The following SCAI variants were observed in gnomAD, a reference collection of about 807,000 sequenced individuals.
SCAI encodes the protein protein SCAI.
SCAI carries 24 observed loss-of-function variants against 92.2 expected under a neutral mutation model. The ratio of observed to expected loss-of-function variants is 0.26; its 90% CI spans 0.19 to 0.37. SCAI has a LOEUF of 0.37. Ranked by LOEUF, SCAI falls within the 10% of genes least tolerant of loss-of-function variation. The pLI, the probability that SCAI is intolerant of heterozygous loss-of-function variation, is 1.00. For missense variants in SCAI, 450 were observed against 736.2 expected (o/e 0.61, Z 4.50); for synonymous variants, 261 against 258.6 (o/e 1.01, Z -0.09).
At chr9:125,089,596 G>A (rs1470998272) in intron 2 of SCAI, among the ~76,000 whole-genome samples, 1 of 152,130 alleles carries the variant, frequency 6.6e-6, no homozygotes, top group African/African-American at 2.4e-5. Flanking sequence ...TACAAAATCA[G>A]AATTTGCATT....
intron 2 of SCAI, among the ~76,000 whole-genome samples, chr9:125,082,040 T>C (rs1240794110): frequency 6.6e-6 from 1 of 151,998 alleles, no homozygotes; most frequent in African/African-American, 2.4e-5. Flanking sequence ...ATGGAAAAAA[T>C]GTCCAGGGAA....
In SCAI at chr9:125,128,604, T is replaced by A. The variant is rs185021023; in HGVS notation, c.98+14029A>T. Among the ~76,000 whole-genome samples the A allele has an allele frequency of 2.8e-3, 425 of 151,254 alleles. 3 individuals are homozygous for A. Among genetic ancestry groups the A allele is most frequent in the African/African-American group, 0.01 (412 of 41,154 alleles). ...CCGTCTCTACTAAAAATACAAAAAA[T>A]TAGCCGGGTGTGGTGGTGTGTGCCT... is the stretch of plus-strand genomic sequence containing the variant. On this transcript the variant is annotated intron_variant, in intron 2 of 17. Transcript: ENST00000336505.
At chr9:124,986,879 G>A (rs1304087596) in intron 14 of SCAI, among the ~76,000 whole-genome samples, 1 of 152,176 alleles carries the variant, frequency 6.6e-6, no homozygotes, top group Non-Finnish European at 1.5e-5. Context: ...AAATACTTTA[G>A]GATGAGGCTG....
In SCAI at chr9:124,952,724, C is replaced by T. The variant is rs1028739886; in HGVS notation, c.*83G>A. ...AAAAAATAAAAACTAAGTAACACCA[C>T]TATGTGTCTTATCACGTTAGAAAAC... On this transcript the variant is annotated 3_prime_UTR_variant, in exon 18 of 18. Coordinates refer to ENST00000336505, the MANE Select transcript of SCAI (RefSeq NM_001144877.3). The T allele has an allele frequency of 8.8e-5, 99 of 1,126,134 alleles. No homozygotes were observed. Among genetic ancestry groups the T allele is most frequent in the Middle Eastern group, 2.2e-4 (1 of 4,640 alleles). 69.8% of individuals were successfully genotyped at this position (1,126,134 alleles called of 1,614,324 possible). A position where few individuals can be genotyped will look rare whatever the true frequency, so the allele number is the denominator to read the frequency against.
chr9:125,108,022 C>T (rs1009334726), intron 2 of SCAI, among the ~76,000 whole-genome samples: 19 of 152,298 alleles, frequency 1.2e-4, no homozygotes, highest in Non-Finnish European at 2.6e-4. Flanking sequence ...TTGGTGGAGA[C>T]GGGGTTTCGC....
rs915274897 is a variant in SCAI, at chr9:125,009,853, A to G, written c.862-6283T>C. Among the ~76,000 whole-genome samples, 8 of 152,048 alleles carry G rather than the reference A, an allele frequency of 5.3e-5. No individual in the cohort carries two copies. In the East Asian group the frequency reaches 1.6e-3, roughly 30 times the overall value. ...GGTGGCAGTGAGTCAAGATCACACC[A>G]CTGTACTCCAGCCTGAGGGACAGAG... is the stretch of plus-strand genomic sequence containing the variant. On this transcript the variant is annotated intron_variant, in intron 9 of 17. Transcript: ENST00000336505.
rs1831385793 is a variant in SCAI at position 124,959,284 on chromosome 9, T to C, written c.1675-6331A>G. Among the ~76,000 whole-genome samples, 9 of 144,202 alleles carry C rather than the reference T, an allele frequency of 6.2e-5. No homozygotes were observed. The South Asian group carries it at 2.0e-3, about 31-fold the overall frequency. The allele number at this position is 144,202 out of a possible 152,430, so 94.6% of individuals were successfully genotyped here. A position where few individuals can be genotyped will look rare whatever the true frequency, so the allele number is the denominator to read the frequency against. ...ATAATAAAATTTAAAAAAAAAAGCATTTCAAATGAAAAAAAAAAAAGAATT... is the reference window on the plus strand; with the variant it reads ...ATAATAAAATTTAAAAAAAAAAGCACTTCAAATGAAAAAAAAAAAAGAATT... On this transcript the variant is annotated intron_variant, in intron 17 of 17. Coordinates refer to ENST00000336505, the MANE Select transcript of SCAI (RefSeq NM_001144877.3).
At chr9:125,023,842 G>A (rs1486489044) in intron 6 of SCAI, among the ~76,000 whole-genome samples, 1 of 152,062 alleles carries the variant, frequency 6.6e-6, no homozygotes, top group Admixed American at 6.6e-5. Flanking sequence ...GCAAAGCACA[G>A]ATTAAATGCG....
chr9:125,120,447 C>G (rs558787097), intron 2 of SCAI, among the ~76,000 whole-genome samples: 1 of 152,322 alleles, frequency 6.6e-6, no homozygotes, highest in Non-Finnish European at 1.5e-5. Context: ...AGTCCCAGCA[C>G]TTTGGGAGGC....
intron 14 of SCAI, among the ~76,000 whole-genome samples, chr9:124,991,333 C>T (rs1197332849): frequency 2.4e-4 from 19 of 80,450 alleles, no homozygotes; most frequent in African/African-American, 9.3e-4. Context: ...GCCTGGGTGA[C>T]AGAGCAAAAC....
chr9:124,972,754 G>A (rs1291046363), intron 15 of SCAI, among the ~76,000 whole-genome samples: 1 of 152,178 alleles, frequency 6.6e-6, no homozygotes, highest in African/African-American at 2.4e-5. Context: ...AAACCTGGAA[G>A]TCTATTCCTG....
intron 2 of SCAI, among the ~76,000 whole-genome samples, chr9:125,124,763 T>C (rs576705920): frequency 6.6e-6 from 1 of 152,268 alleles, no homozygotes; most frequent in South Asian, 2.1e-4. Flanking sequence ...AAATGAACCA[T>C]CATAACTGAC....
chr9:125,034,539 C>A (rs1218337457), intron 3 of SCAI, among the ~76,000 whole-genome samples: 1 of 152,160 alleles, frequency 6.6e-6, no homozygotes, highest in African/African-American at 2.4e-5. Context: ...AGTTCAAGAC[C>A]AGCCTGGACA....
rs1189070895 is a variant in SCAI at position 124,946,147 on chromosome 9, T to C, written c.*6660A>G. The C allele has an allele frequency of 6.6e-6, 1 of 152,196 alleles. No individual in the cohort carries two copies. Among genetic ancestry groups the C allele is most frequent in the Non-Finnish European group, 1.5e-5 (1 of 68,028 alleles). The allele number at this position is 152,196 out of a possible 1,614,324, so 9.4% of individuals were successfully genotyped here. ...TCAGTTCCATGAATTTTAAATGGTA[T>C]AATATCTGCTCTACTACTCTCCAGT... On this transcript the variant is annotated 3_prime_UTR_variant, in exon 18 of 18. Coordinates refer to ENST00000336505, the MANE Select transcript of SCAI (RefSeq NM_001144877.3). The surrounding 1 kb of genome is among the most constrained non-coding windows in gnomAD (Gnocchi z 4.0).
At chr9:125,072,506 T>C (rs1410131906) in intron 2 of SCAI, among the ~76,000 whole-genome samples, 1 of 152,214 alleles carries the variant, frequency 6.6e-6, no homozygotes, top group Non-Finnish European at 1.5e-5. Context: ...AATTTATTCC[T>C]ATGACTTATT....
intron 13 of SCAI, 129 bp from the exon 14 acceptor site, chr9:124,995,144 A>G (rs1832213379): frequency 4.9e-6 from 3 of 606,258 alleles, no homozygotes; most frequent in South Asian, 2.5e-5. Context: ...CTAGTTAAGC[A>G]AAGGGGAAAA....
rs201429484 is a variant in SCAI, at chr9:125,046,316, T to TAC, written c.230+9558_230+9559dup. Among the ~76,000 whole-genome samples the TAC allele has an allele frequency of 1.5e-3, 104 of 70,946 alleles. 1 individual carries two copies. Among genetic ancestry groups the TAC allele is most frequent in the Middle Eastern group, 0.013 (1 of 78 alleles). The allele number at this position is 70,946 out of a possible 152,430, so 46.5% of individuals were successfully genotyped here. A position where few individuals can be genotyped will look rare whatever the true frequency, so the allele number is the denominator to read the frequency against. ...TTTTATGGCCTATCTCATATATATA[T>TAC]ACACACACACACACACATATATATA... On this transcript the variant is annotated intron_variant, in intron 3 of 17. Coordinates refer to ENST00000336505, the MANE Select transcript of SCAI (RefSeq NM_001144877.3).
chr9:124,971,978 G>T, intron 15 of SCAI, 134 bp from the exon 16 acceptor site: 1 of 485,730 alleles, frequency 2.1e-6, no homozygotes, highest in Non-Finnish European at 3.3e-6. Flanking sequence ...CATCAAAGCA[G>T]ATTCTTCACG....
At chr9:125,109,216 A>G (rs985706748) in intron 2 of SCAI, among the ~76,000 whole-genome samples, 3 of 152,274 alleles carry the variant, frequency 2.0e-5, no homozygotes, top group Admixed American at 6.5e-5. Context: ...GGACACAAAC[A>G]CTGCGGAAGG....
Sources: allele counts gnomAD v4.1 joint callset (sites outside exome capture counted in the v4.1 genomes callset), GRCh38; gene constraint gnomAD v4.1.1; non-coding constraint Gnocchi (gnomAD v3.1); transcripts MANE v1.5; gene names NCBI Gene and HGNC (gene_info 2026-07-23, HGNC 2026-07-21).